CFAP77: variants seen among roughly 807,000 people sequenced by gnomAD.
CFAP77 encodes cilia- and flagella-associated protein 77.
CFAP77 carries 25 observed loss-of-function variants against 31.1 expected under a neutral mutation model. The ratio of observed to expected loss-of-function variants is 0.80; its 90% confidence interval spans 0.59 to 1.12. The LOEUF (loss-of-function observed/expected upper bound fraction) is 1.12, where lower values mean the gene tolerates loss of function less well. CFAP77 is among the 50% of genes most tolerant of loss of function. The probability of loss-of-function intolerance (pLI) is 0.00; values close to 1 mark genes in which losing one functional copy is unlikely to be tolerated. For missense variants in CFAP77, 377 were observed against 397.3 expected, an observed-to-expected ratio of 0.95 and a Z score of 0.44; for synonymous variants, 151 against 159.9, an observed-to-expected ratio of 0.94 and a Z score of 0.42.
intron 3 of CFAP77, among the ~76,000 whole-genome samples, chr9:132,530,182 A>C (rs1220886889): frequency 8.7e-6 from 1 of 114,408 alleles, no homozygotes; most frequent in Non-Finnish European, 1.6e-5. Context: ...GGGTTTTGCC[A>C]TCAAACTCTT....
Position 132,498,881 on chromosome 9 carries a change from T to C in CFAP77, c.295+87T>C, listed in dbSNP as rs1361995592. The C allele has an allele frequency of 4.2e-6, 4 of 960,534 alleles. No homozygotes were observed. The highest frequency in any genetic ancestry group is 6.3e-6 in the Non-Finnish European group (4 of 631,056). The allele number at this position is 960,534 out of a possible 1,614,324, so 59.5% of individuals were successfully genotyped here. A position where few individuals can be genotyped will look rare whatever the true frequency, so the allele number is the denominator to read the frequency against. ...CAGACCCCTTGACCTAGCTCGCTGC[T>C]TGGCAGCTGGTTGGGTGCTGGAGAA... On this transcript the variant is annotated intron_variant, in intron 2 of 5. Coordinates refer to ENST00000393216, the MANE Select transcript of CFAP77 (RefSeq NM_001282957.2). The surrounding 1 kb of genome is among the most constrained non-coding windows in gnomAD (Gnocchi z 4.2).
chr9:132,560,558 G>A (rs1330239347), intron 5 of CFAP77, among the ~76,000 whole-genome samples: 4 of 152,188 alleles, frequency 2.6e-5, no homozygotes, highest in East Asian at 1.9e-4. Flanking sequence ...ATGGCTTCTC[G>A]AAGGAGCAAA....
chr9:132,438,526 T>C (rs1000582335), intron 1 of CFAP77, among the ~76,000 whole-genome samples: 1 of 113,924 alleles, frequency 8.8e-6, no homozygotes, highest in Non-Finnish European at 1.7e-5. Context: ...ATGGTATATA[T>C]ATATATATAT....
At chr9:132,513,365 C>T (rs1211487557) in intron 3 of CFAP77, 17 of 1,535,662 alleles carry the variant, frequency 1.1e-5, no homozygotes, top group Non-Finnish European at 1.5e-5. Context: ...CGCTTCTGAT[C>T]CTTTCCTTTA....
chr9:132,432,807 G>A lies in CFAP77; in HGVS notation c.195+22341G>A, dbSNP rs192167368. On this transcript the variant is annotated intron_variant, in intron 1 of 5. Coordinates refer to ENST00000393216, the MANE Select transcript of CFAP77 (RefSeq NM_001282957.2). ...CGGCTCACTGCAAGCTCTGCCTCCC[G>A]GGTTCACGCCATTCTCCTGCCTTAG... 1.2e-3 allele frequency among the ~76,000 whole-genome samples: 183 copies of A among 152,200 alleles called. 1 individual carries two copies. Among genetic ancestry groups the A allele is most frequent in the African/African-American group, 3.8e-3 (158 of 41,534 alleles).
chr9:132,572,950 AAAC>A lies in CFAP77; in HGVS notation c.*442_*444del, dbSNP rs1443864139. Reference sequence around the variant, plus strand: ...TTTGAAAGCCCTCATTTTCTATTCCAAACATGAGTTTTAATTGCTCTTTTTGGG... The same window carrying A: ...TTTGAAAGCCCTCATTTTCTATTCCAATGAGTTTTAATTGCTCTTTTTGGG... On this transcript the variant is annotated 3_prime_UTR_variant, in exon 6 of 6. Coordinates refer to ENST00000393216, the MANE Select transcript of CFAP77 (RefSeq NM_001282957.2). 6.1e-6 allele frequency: 1 copy of A among 162,896 alleles called. No homozygotes were observed. The highest frequency in any genetic ancestry group is 1.3e-5 in the Non-Finnish European group (1 of 75,442). 10.1% of individuals were successfully genotyped at this position (162,896 alleles called of 1,614,324 possible).
intron 3 of CFAP77, among the ~76,000 whole-genome samples, chr9:132,507,382 C>T (rs1851949650): frequency 1.3e-5 from 2 of 152,172 alleles, no homozygotes; most frequent in South Asian, 4.1e-4. Context: ...CTGGTCTACA[C>T]CCCCAATCCT....
intron 3 of CFAP77, among the ~76,000 whole-genome samples, chr9:132,521,829 A>C (rs1412668824): frequency 1.4e-5 from 2 of 137,988 alleles, no homozygotes; most frequent in Non-Finnish European, 3.0e-5. Context: ...TATAGTGGCA[A>C]AATCTCAGCT....
chr9:132,479,804 A>C (rs975340231), intron 1 of CFAP77, among the ~76,000 whole-genome samples: 1 of 152,186 alleles, frequency 6.6e-6, no homozygotes, highest in Non-Finnish European at 1.5e-5. Flanking sequence ...AGAATGGCCT[A>C]CTACGTGAGA....
At chr9:132,555,722 C>T (rs1287902020) in intron 5 of CFAP77, among the ~76,000 whole-genome samples, 6 of 152,118 alleles carry the variant, frequency 3.9e-5, no homozygotes, top group African/African-American at 9.7e-5. Flanking sequence ...GATCAGCTGA[C>T]GTGCCTCCCG....
chr9:132,520,452 C>T (rs1852246600), intron 3 of CFAP77, among the ~76,000 whole-genome samples: 1 of 152,024 alleles, frequency 6.6e-6, no homozygotes, highest in Admixed American at 6.6e-5. Flanking sequence ...TCAATACCAG[C>T]CTGGGCAACA....
At chr9:132,487,712 T>C (rs1484478145) in intron 1 of CFAP77, among the ~76,000 whole-genome samples, 1 of 150,386 alleles carries the variant, frequency 6.6e-6, no homozygotes, top group East Asian at 2.1e-4. Flanking sequence ...GGTCTTCTCA[T>C]GCGTGGCTTT....
Position 132,541,157 on chromosome 9 carries a change from G to T in CFAP77, c.631-1789G>T, listed in dbSNP as rs374448281. ...TCCTCCTCAAGCCTGTAAGCATCGG[G>T]GTATGTCCTGATTTGGATGGTGATG... On this transcript the variant is annotated intron_variant, in intron 4 of 5. Coordinates refer to ENST00000393216, the MANE Select transcript of CFAP77 (RefSeq NM_001282957.2). 9.2e-5 allele frequency among the ~76,000 whole-genome samples: 14 copies of T among 152,242 alleles called. No individual in the cohort carries two copies. The East Asian group carries it at 2.7e-3, about 29-fold the overall frequency.
rs1275416327 is a variant in CFAP77 at position 132,511,779 on chromosome 9, C to G, written c.524+12179C>G. 2.0e-5 allele frequency among the ~76,000 whole-genome samples: 3 copies of G among 152,150 alleles called. No individual in the cohort carries two copies. The highest frequency in any genetic ancestry group is 4.4e-5 in the Non-Finnish European group (3 of 68,018). On this transcript the variant is annotated intron_variant, in intron 3 of 5. Transcript: ENST00000393216. This position sits in a 1 kb window ranked among gnomAD's most constrained non-coding sequence, Gnocchi z 5.8. ...CTTAAAATAACAAAAATGAAGCGGC[C>G]GCGCGGCGGCTCACGCCTGTCATCC...
chr9:132,494,635 T>G (rs746603146), intron 1 of CFAP77, among the ~76,000 whole-genome samples: 1 of 151,658 alleles, frequency 6.6e-6, no homozygotes, highest in Non-Finnish European at 1.5e-5. Context: ...CAGGCATATA[T>G]TTAGCTTCAA....
At chr9:132,491,161 C>T (rs145604915) in intron 1 of CFAP77, among the ~76,000 whole-genome samples, 409 of 152,230 alleles carry the variant, frequency 2.7e-3, no homozygotes, top group Non-Finnish European at 4.4e-3. Flanking sequence ...CGAATGAGTA[C>T]AAAGTATTAA....
In CFAP77 at chr9:132,485,700, C is replaced by T. The variant is rs560365236; in HGVS notation, c.196-12995C>T. ...ACAAGTGACACTTGACTGCAAAGTACGACGCCAAGTGATTGCACTCCATCG... is the reference window on the plus strand; with the variant it reads ...ACAAGTGACACTTGACTGCAAAGTATGACGCCAAGTGATTGCACTCCATCG... On this transcript the variant is annotated intron_variant, in intron 1 of 5. Transcript: ENST00000393216. Among the ~76,000 whole-genome samples the T allele has an allele frequency of 5.7e-4, 87 of 152,116 alleles. 4 individuals carry two copies. The South Asian group carries it at 0.017, about 30-fold the overall frequency.
chr9:132,502,773 A>T (rs984876484), intron 3 of CFAP77, among the ~76,000 whole-genome samples: 12 of 152,304 alleles, frequency 7.9e-5, no homozygotes, highest in Admixed American at 1.3e-4. Context: ...ACGTGGACGG[A>T]CACGTGTCTG....
intron 1 of CFAP77, among the ~76,000 whole-genome samples, chr9:132,476,897 T>G (rs961246775): frequency 1.3e-5 from 2 of 152,186 alleles, no homozygotes; most frequent in Admixed American, 6.5e-5. Flanking sequence ...AGATTTCTGC[T>G]GCCTTCAGCC....
Sources: gnomAD v4.1 joint callset for allele counts (sites outside exome capture counted in the v4.1 genomes callset) on GRCh38, gnomAD v4.1.1 for gene constraint, Gnocchi (gnomAD v3.1) non-coding constraint, MANE v1.5 for transcripts, NCBI Gene and HGNC (gene_info 2026-07-23, HGNC 2026-07-21) for gene names.